Variants in BCL7A observed in about 807,000 individuals in gnomAD.
BCL7A encodes the protein B-cell CLL/lymphoma 7 protein family member A.
In BCL7A, 11 loss-of-function variants were observed where a neutral mutation model predicts 28.4. The ratio of observed to expected loss-of-function variants is 0.39; its 90% CI spans 0.24 to 0.64. BCL7A has a LOEUF of 0.64. Among genes scored for constraint, BCL7A ranks in the 30% least tolerant of loss-of-function variants. The probability of loss-of-function intolerance (pLI) is 0.50; values close to 1 mark genes in which losing one functional copy is unlikely to be tolerated. For missense variants in BCL7A, 222 were observed against 274.8 expected (o/e 0.81, Z 1.36); for synonymous variants, 123 against 103.3 (o/e 1.19, Z -1.15).
In BCL7A at chr12:122,022,176, C is replaced by G; in HGVS notation, c.85C>G (p.Arg29Gly). 6.5e-7 allele frequency: 1 copy of G among 1,538,928 alleles called. No individual in the cohort carries two copies. The highest frequency in any genetic ancestry group is 8.8e-7 in the Non-Finnish European group (1 of 1,140,922). The change falls in exon 1 of 6, where the codon CGC becomes GGC. Residue 29 changes from arginine to glycine, a missense_variant. Physicochemically the swap from Arg to Gly is moderately radical, Grantham distance 125. Transcript: ENST00000261822. Reference sequence around the variant, plus strand: ...GGTCATGGCGGCGATCGAGAAAGTGCGCAAATGGTAAGCGGAGGCGCCCGC... The same window carrying G: ...GGTCATGGCGGCGATCGAGAAAGTGGGCAAATGGTAAGCGGAGGCGCCCGC... ...KRVMAAIEKVRKWEKKWVTVG... is the reference protein window; with the variant it reads ...KRVMAAIEKVGKWEKKWVTVG...
At chr12:122,023,987 A>G (rs2135835453) in intron 1 of BCL7A, among the ~76,000 whole-genome samples, 1 of 152,232 alleles carries the variant, frequency 6.6e-6, no homozygotes, top group Admixed American at 6.5e-5. Context: ...GGCTGGACAG[A>G]GGCTCCTGCA....
intron 1 of BCL7A, 57 bp from the exon 2 acceptor site, chr12:122,030,643 C>G (rs948602078): frequency 1.3e-6 from 2 of 1,510,836 alleles, no homozygotes; most frequent in African/African-American, 2.8e-5. Flanking sequence ...GGAGTGTGGC[C>G]TGTGTCCCCC....
chr12:122,032,426 T>A (rs1050745713), intron 2 of BCL7A, among the ~76,000 whole-genome samples: 11 of 152,206 alleles, frequency 7.2e-5, no homozygotes, highest in African/African-American at 2.7e-4. Flanking sequence ...GCTGGTTGCA[T>A]TTGAGAAGAT....
chr12:122,028,181 A>G (rs1883670120), intron 1 of BCL7A, among the ~76,000 whole-genome samples: 1 of 152,168 alleles, frequency 6.6e-6, no homozygotes, highest in African/African-American at 2.4e-5. Flanking sequence ...CCACACCTAG[A>G]AATACAGTTT....
At chr12:122,055,140 G>A (rs1370421919) in intron 5 of BCL7A, 2 of 999,086 alleles carry the variant, frequency 2.0e-6, no homozygotes, top group Non-Finnish European at 2.9e-6. Flanking sequence ...TGTGGCCTCT[G>A]CCCTCAAGGA....
intron 3 of BCL7A, among the ~76,000 whole-genome samples, chr12:122,041,359 G>A (rs1883963056): frequency 1.3e-5 from 2 of 152,198 alleles, no homozygotes; most frequent in Admixed American, 1.3e-4. Flanking sequence ...CTGTTGGGGT[G>A]TCTCTGTCTC....
chr12:122,037,674 C>T (rs1405791306), intron 3 of BCL7A, among the ~76,000 whole-genome samples: 3 of 151,980 alleles, frequency 2.0e-5, no homozygotes, highest in Admixed American at 6.6e-5. Flanking sequence ...ACAATGGGTG[C>T]GGTGGCTCAC....
intron 3 of BCL7A, among the ~76,000 whole-genome samples, chr12:122,042,073 AAAAT>A (rs1336190158): frequency 6.6e-6 from 1 of 151,936 alleles, no homozygotes; most frequent in Admixed American, 6.6e-5. Flanking sequence ...CCATCTCAAA[AAAAT>A]AAATAGAGTG....
At chr12:122,025,681 C>A (rs1353884305) in intron 1 of BCL7A, among the ~76,000 whole-genome samples, 1 of 150,582 alleles carries the variant, frequency 6.6e-6, no homozygotes, top group African/African-American at 2.4e-5. Flanking sequence ...CGCAGTGGCT[C>A]ATGCCTGTAA....
intron 5 of BCL7A, among the ~76,000 whole-genome samples, chr12:122,055,673 C>T (rs1201671661): frequency 6.6e-6 from 1 of 152,140 alleles, no homozygotes; most frequent in African/African-American, 2.4e-5. Context: ...GGCTGGAGTG[C>T]AGTGGCATGA....
chr12:122,056,558 T>C (rs775853960), intron 5 of BCL7A, among the ~76,000 whole-genome samples: 13 of 152,120 alleles, frequency 8.5e-5, no homozygotes, highest in Non-Finnish European at 1.8e-4. Context: ...CCCAGCACTT[T>C]GGGAGGCTGA....
chr12:122,057,528 T>C (rs1593038552), intron 5 of BCL7A, among the ~76,000 whole-genome samples: 1 of 151,524 alleles, frequency 6.6e-6, no homozygotes, highest in South Asian at 2.1e-4. Context: ...AGAGGCCGGG[T>C]TGGAGGGGGG....
In BCL7A at chr12:122,059,739, C is replaced by T. The variant is rs987781672; in HGVS notation, c.*576C>T. On this transcript the variant is annotated 3_prime_UTR_variant, in exon 6 of 6. Transcript: ENST00000261822. The surrounding 1 kb of genome is among the most constrained non-coding windows in gnomAD (Gnocchi z 4.0). ...CTTCATCGGAGCAGGCAGGGTGGAG[C>T]GAAGGAGCTCCTTAGCCCACCTGGT... The T allele has an allele frequency of 6.9e-5, 16 of 231,950 alleles. No individual in the cohort carries two copies. The highest frequency in any genetic ancestry group is 3.0e-4 in the East Asian group (5 of 16,396). 14.4% of individuals were successfully genotyped at this position (231,950 alleles called of 1,614,324 possible).
intron 4 of BCL7A, among the ~76,000 whole-genome samples, chr12:122,047,139 G>A (rs1320067215): frequency 6.6e-6 from 1 of 151,428 alleles, no homozygotes; most frequent in Non-Finnish European, 1.5e-5. Flanking sequence ...CCTGACCTCG[G>A]GATCCACCCA....
At chr12:122,025,902 G>A (rs1281780456) in intron 1 of BCL7A, among the ~76,000 whole-genome samples, 9 of 138,918 alleles carry the variant, frequency 6.5e-5, no homozygotes, top group African/African-American at 2.2e-4. Flanking sequence ...AGCCGAGATC[G>A]CGCCACTGCA....
At position 122,029,890 on chromosome 12, in the gene BCL7A, G is replaced by A. The variant is rs932174995; in HGVS notation, c.93-810G>A. Among the ~76,000 whole-genome samples the A allele has an allele frequency of 6.6e-6, 1 of 152,146 alleles. No individual in the cohort carries two copies. Among genetic ancestry groups the A allele is most frequent in the Non-Finnish European group, 1.5e-5 (1 of 68,020 alleles). ...CAGTGGCTCGGAGCAGAGTGGTGGT[G>A]GTGGAGGAGAGGGTGGGCATTGTTA... On this transcript the variant is annotated intron_variant, in intron 1 of 5. Coordinates refer to ENST00000261822, the MANE Select transcript of BCL7A (RefSeq NM_001024808.3). The surrounding 1 kb of genome is among the most constrained non-coding windows in gnomAD (Gnocchi z 4.3).
intron 1 of BCL7A, among the ~76,000 whole-genome samples, chr12:122,023,653 A>G (rs902916572): frequency 3.3e-5 from 5 of 152,128 alleles, no homozygotes; most frequent in Non-Finnish European, 7.4e-5. Flanking sequence ...AGGCTTTCCA[A>G]AGTTGAGATC....
intron 3 of BCL7A, among the ~76,000 whole-genome samples, chr12:122,042,070 A>G (rs1162394794): frequency 1.3e-5 from 2 of 151,916 alleles, no homozygotes; most frequent in Non-Finnish European, 2.9e-5. Context: ...ACTCCATCTC[A>G]AAAAAATAAA....
intron 5 of BCL7A, among the ~76,000 whole-genome samples, chr12:122,056,797 C>T (rs1951881122): frequency 6.6e-6 from 1 of 152,108 alleles, no homozygotes; most frequent in African/African-American, 2.4e-5. Context: ...CAGAGCAAGA[C>T]CCTGTCTCAA....
Sources: allele counts gnomAD v4.1 joint callset (sites outside exome capture counted in the v4.1 genomes callset), GRCh38; gene constraint gnomAD v4.1.1; non-coding constraint Gnocchi (gnomAD v3.1); transcripts MANE v1.5; gene names NCBI Gene and HGNC (gene_info 2026-07-23, HGNC 2026-07-21).